Variants in RBFOX3 observed in about 807,000 individuals in gnomAD.
RBFOX3 encodes RNA binding protein fox-1 homolog 3.
In RBFOX3, 17 loss-of-function variants were observed where a neutral mutation model predicts 48.7. The ratio of observed to expected loss-of-function variants is 0.35; its 90% confidence interval spans 0.24 to 0.52. RBFOX3 has a LOEUF of 0.52. Among genes scored for constraint, RBFOX3 ranks in the 20% least tolerant of loss-of-function variants. The pLI is 0.94. For synonymous variants in RBFOX3, 212 were observed against 209.5 expected (o/e 1.01, Z -0.10); for missense variants, 382 against 497.5 (o/e 0.77, Z 2.21).
chr17:79,213,706 C>T (rs541859470), intron 4 of RBFOX3, among the ~76,000 whole-genome samples: 61 of 152,350 alleles, frequency 4.0e-4, no homozygotes, highest in Middle Eastern at 3.4e-3. Flanking sequence ...TGTATCCACT[C>T]GGCACCGCCA....
At chr17:79,349,969 G>A (rs146487433) in intron 2 of RBFOX3, among the ~76,000 whole-genome samples, 3 of 152,176 alleles carry the variant, frequency 2.0e-5, no homozygotes, top group African/African-American at 7.2e-5. Flanking sequence ...CAGGAGGAGA[G>A]GCTCCAGAAA....
intron 2 of RBFOX3, among the ~76,000 whole-genome samples, chr17:79,388,025 TG>T (rs2060814144): frequency 6.6e-6 from 1 of 151,580 alleles, no homozygotes; most frequent in African/African-American, 2.4e-5. Context: ...TGCATGCAAG[TG>T]GATATGAACT....
intron 2 of RBFOX3, among the ~76,000 whole-genome samples, chr17:79,432,397 G>A (rs529378968): frequency 2.1e-4 from 32 of 152,252 alleles, no homozygotes; most frequent in African/African-American, 5.5e-4. Flanking sequence ...TGGGCCAGGC[G>A]GCAAAAGCCA....
At chr17:79,534,350 T>G (rs1358149124) in intron 1 of RBFOX3, among the ~76,000 whole-genome samples, 2 of 152,132 alleles carry the variant, frequency 1.3e-5, no homozygotes, top group Non-Finnish European at 2.9e-5. Flanking sequence ...AGGATTGCAG[T>G]CATCGGAACA....
the RBFOX3 span, among the ~76,000 whole-genome samples, chr17:79,645,415 GC>G: frequency 6.6e-6 from 1 of 152,004 alleles, no homozygotes; most frequent in East Asian, 1.9e-4. Context: ...AGTTCTGGTG[GC>G]CCCTACCTGG....
Position 79,364,159 on chromosome 17 carries a change from G to A in RBFOX3, c.-174-56335C>T, listed in dbSNP as rs2057392188. On this transcript the variant is annotated intron_variant, in intron 2 of 14. Transcript: ENST00000693108. This position sits in a 1 kb window ranked among gnomAD's most constrained non-coding sequence, Gnocchi z 5.1. ...CATTTAAACAGCCCCATGCCCAGAA[G>A]GCAGGCTCCGTGGGAACTGGTGTTC... 6.6e-6 allele frequency among the ~76,000 whole-genome samples: 1 copy of A among 152,234 alleles called. No homozygotes were observed.
intron 8 of RBFOX3, among the ~76,000 whole-genome samples, 157 bp from the exon 9 acceptor site, chr17:79,101,801 C>T (rs953630743): frequency 6.6e-6 from 1 of 152,140 alleles, no homozygotes; most frequent in Non-Finnish European, 1.5e-5. Flanking sequence ...GCCTTGGCCC[C>T]CACTGCTCCC....
chr17:79,095,998 C>T (rs2075156800), intron 12 of RBFOX3, among the ~76,000 whole-genome samples: 1 of 152,170 alleles, frequency 6.6e-6, no homozygotes, highest in Admixed American at 6.5e-5. Context: ...GCTGGGAGAA[C>T]CCACAGTGAC....
intron 2 of RBFOX3, among the ~76,000 whole-genome samples, chr17:79,447,961 C>T (rs781837472): frequency 6.6e-6 from 1 of 152,120 alleles, no homozygotes; most frequent in Non-Finnish European, 1.5e-5. Context: ...AGACCCAGTT[C>T]GTTTGAAAGT....
chr17:79,246,786 G>T (rs950927526), intron 3 of RBFOX3, among the ~76,000 whole-genome samples: 2 of 152,166 alleles, frequency 1.3e-5, no homozygotes, highest in Non-Finnish European at 2.9e-5. Flanking sequence ...CGAGGACGCG[G>T]CCTCCCAGCA....
chr17:79,181,652 C>T (rs1036128232), intron 4 of RBFOX3, among the ~76,000 whole-genome samples: 2 of 151,786 alleles, frequency 1.3e-5, no homozygotes, highest in African/African-American at 4.8e-5. Flanking sequence ...CTGCCGGCCA[C>T]CCTCTGCCAC....
intron 3 of RBFOX3, among the ~76,000 whole-genome samples, chr17:79,276,599 C>G (rs1297250368): frequency 6.6e-6 from 1 of 152,172 alleles, no homozygotes; most frequent in South Asian, 2.1e-4. Context: ...GCAGGAGAAT[C>G]GCTTGAACCC....
intron 11 of RBFOX3, 108 bp downstream of exon 11, chr17:79,097,184 A>T: frequency 2.9e-6 from 1 of 342,518 alleles, no homozygotes; most frequent in Non-Finnish European, 4.4e-6. Flanking sequence ...CCCCCCCCCC[A>T]GGTCTGGAAA....
At chr17:79,505,527 C>T (rs1251297101) in intron 1 of RBFOX3, among the ~76,000 whole-genome samples, 1 of 152,228 alleles carries the variant, frequency 6.6e-6, no homozygotes, top group Non-Finnish European at 1.5e-5. Flanking sequence ...CTGTCTCCTT[C>T]ACCTCCCCCA....
intron 1 of RBFOX3, among the ~76,000 whole-genome samples, chr17:79,533,622 G>A (rs1182412279): frequency 6.6e-6 from 1 of 152,248 alleles, no homozygotes; most frequent in Non-Finnish European, 1.5e-5. Flanking sequence ...ACCCCGCGAT[G>A]GGGAAGGGGA....
In RBFOX3 at chr17:79,404,913, A is replaced by G. The variant is rs74000040; in HGVS notation, c.-175+77541T>C. ...TAGAAGACCAGAATCATGGATGTTC[A>G]AAGAAGTAGATAGCCTCAGTCCCCT... is the stretch of plus-strand genomic sequence containing the variant. On this transcript the variant is annotated intron_variant, in intron 2 of 14. Coordinates refer to ENST00000693108, the MANE Select transcript of RBFOX3 (RefSeq NM_001350451.2). Among the ~76,000 whole-genome samples the G allele has an allele frequency of 3.0e-3, 455 of 152,344 alleles. 3 individuals carry two copies. The highest frequency in any genetic ancestry group is 0.01 in the African/African-American group (428 of 41,580).
rs1018875577 is a variant in RBFOX3, at chr17:79,205,681, A to G, written c.-34+30085T>C. On this transcript the variant is annotated intron_variant, in intron 4 of 14. Coordinates refer to ENST00000693108, the MANE Select transcript of RBFOX3 (RefSeq NM_001350451.2). The surrounding 1 kb of genome is among the most constrained non-coding windows in gnomAD (Gnocchi z 4.5). ...GATGAATCAGAGTGGGTGATGGTGG[A>G]TTACTGGAAACTTCACCAAGCAGCA... is the stretch of plus-strand genomic sequence containing the variant. Among the ~76,000 whole-genome samples, 3 of 152,190 alleles carry G rather than the reference A, an allele frequency of 2.0e-5. No homozygotes were observed. Among genetic ancestry groups the G allele is most frequent in the Non-Finnish European group, 4.4e-5 (3 of 68,042 alleles).
At chr17:79,280,848 G>T (rs1366190789) in intron 3 of RBFOX3, among the ~76,000 whole-genome samples, 3 of 142,236 alleles carry the variant, frequency 2.1e-5, no homozygotes, top group South Asian at 2.2e-4. Flanking sequence ...TTGTGGGGGG[G>T]GGGAGGGGAG....
chr17:79,241,816 G>A (rs1479675302), intron 3 of RBFOX3, among the ~76,000 whole-genome samples: 1 of 152,148 alleles, frequency 6.6e-6, no homozygotes, highest in Non-Finnish European at 1.5e-5. Flanking sequence ...ACATGGCAAG[G>A]AGACAGCGTG....
Sources: gnomAD v4.1 joint callset for allele counts (sites outside exome capture counted in the v4.1 genomes callset) on GRCh38, gnomAD v4.1.1 for gene constraint, Gnocchi (gnomAD v3.1) non-coding constraint, MANE v1.5 for transcripts, NCBI Gene and HGNC (gene_info 2026-07-23, HGNC 2026-07-21) for gene names.